OPCML: variants seen among roughly 807,000 people sequenced by gnomAD.
OPCML encodes opioid binding protein/cell adhesion molecule like.
Under a neutral mutation model 37.8 loss-of-function variants are expected in OPCML, and 13 were observed. That is an observed-to-expected ratio of 0.34 (90% CI 0.22 to 0.55). The LOEUF is 0.55. Ranked by LOEUF, OPCML falls within the 20% of genes least tolerant of loss-of-function variation. The pLI is 0.91. For synonymous variants in OPCML, 176 were observed against 168.8 expected, an observed-to-expected ratio of 1.04 and a Z score of -0.33; for missense variants, 341 against 435.6, an observed-to-expected ratio of 0.78 and a Z score of 1.93.
intron 1 of OPCML, among the ~76,000 whole-genome samples, chr11:133,061,474 CT>C (rs992891703): frequency 1.5e-4 from 23 of 152,294 alleles, no homozygotes; most frequent in African/African-American, 5.3e-4. Context: ...AGGAAATATC[CT>C]TGTGGGACTA....
rs181392487 is a variant in OPCML, at chr11:132,629,086, C to T, written c.379+28001G>A. Among the ~76,000 whole-genome samples, 11 of 152,250 alleles carry T rather than the reference C, an allele frequency of 7.2e-5. No homozygotes were observed. The East Asian group carries it at 2.1e-3, about 30-fold the overall frequency. On this transcript the variant is annotated intron_variant, in intron 3 of 7. Coordinates refer to ENST00000524381, the MANE Select transcript of OPCML (RefSeq NM_001012393.5). ...CCAACCCATCCTAAGCCTGCTTGCC[C>T]TGCCCTGCTCTTTCCTTCCCATGGA... is the stretch of plus-strand genomic sequence containing the variant.
chr11:133,418,228 T>C, intron 1 of OPCML: 2 of 985,418 alleles, frequency 2.0e-6, no homozygotes, highest in South Asian at 4.7e-5. Flanking sequence ...GTGATCTGTA[T>C]CTAGTTTTTA....
At chr11:133,002,309 G>A (rs1947019959) in intron 1 of OPCML, among the ~76,000 whole-genome samples, 1 of 152,168 alleles carries the variant, frequency 6.6e-6, no homozygotes, top group African/African-American at 2.4e-5. Context: ...CTGCTGAGGT[G>A]CAAGACTAGA....
At chr11:133,080,059 G>A (rs1948685978) in intron 1 of OPCML, among the ~76,000 whole-genome samples, 1 of 152,102 alleles carries the variant, frequency 6.6e-6, no homozygotes, top group African/African-American at 2.4e-5. Context: ...AATGACCAGA[G>A]AAGAAAACTC....
chr11:132,667,372 C>A (rs1942269248), intron 2 of OPCML, among the ~76,000 whole-genome samples: 1 of 152,184 alleles, frequency 6.6e-6, no homozygotes, highest in Non-Finnish European at 1.5e-5. Context: ...AACAAGCCCA[C>A]ATGCTGAGGA....
chr11:132,444,256 GC>G (rs1236119330), intron 4 of OPCML, among the ~76,000 whole-genome samples: 1 of 152,204 alleles, frequency 6.6e-6, no homozygotes, highest in African/African-American at 2.4e-5. Context: ...CATGGGGGAG[GC>G]AAAGAGTGGA....
intron 2 of OPCML, among the ~76,000 whole-genome samples, chr11:132,722,354 G>A (rs12420562): frequency 0.012 from 1,748 of 151,944 alleles, 12 homozygotes; most frequent in Non-Finnish European, 0.016. Context: ...TGGTGAAGAA[G>A]CTACCTGCAT....
chr11:132,474,103 G>A (rs1207793693), intron 4 of OPCML, among the ~76,000 whole-genome samples: 2 of 152,058 alleles, frequency 1.3e-5, no homozygotes, highest in Admixed American at 6.5e-5. Flanking sequence ...GGGAGGGGAC[G>A]ACTGGCCTAC....
chr11:132,532,245 G>A (rs1245135877), intron 3 of OPCML, among the ~76,000 whole-genome samples: 1 of 152,180 alleles, frequency 6.6e-6, no homozygotes, highest in Admixed American at 6.5e-5. Context: ...AGCCCAGGTA[G>A]TGTTGTCTGC....
At chr11:132,984,874 C>T (rs7106554) in intron 1 of OPCML, among the ~76,000 whole-genome samples, 12,867 of 152,198 alleles carry the variant, frequency 0.085, 897 homozygotes, top group East Asian at 0.23. Context: ...CCTCTGCTTC[C>T]CTGGAGTTAC....
intron 2 of OPCML, among the ~76,000 whole-genome samples, chr11:132,918,960 C>T (rs6590665): frequency 0.22 from 33,894 of 152,044 alleles, 6,425 homozygotes; most frequent in African/African-American, 0.51. Flanking sequence ...CCGAATTAAG[C>T]CTAGGAGCTA....
In OPCML at chr11:132,815,985, T is replaced by C. The variant is rs75202161; in HGVS notation, c.146+126941A>G. On this transcript the variant is annotated intron_variant, in intron 2 of 7. Transcript: ENST00000524381. ...AGCAGCTGGAGGCAGTTCACACTTA[T>C]TGGCCTAATTTTTCTCTACATAAAA... Among the ~76,000 whole-genome samples, 41 of 152,334 alleles carry C rather than the reference T, an allele frequency of 2.7e-4. 1 individual carries two copies. In the East Asian group the frequency reaches 6.8e-3, roughly 25 times the overall value.
intron 1 of OPCML, among the ~76,000 whole-genome samples, chr11:133,050,820 A>G (rs1948116664): frequency 6.6e-6 from 1 of 151,858 alleles, no homozygotes; most frequent in South Asian, 2.1e-4. Flanking sequence ...GCTCTAAATC[A>G]ATCTATTGGG....
intron 1 of OPCML, among the ~76,000 whole-genome samples, chr11:133,135,868 T>C (rs541235018): frequency 6.6e-6 from 1 of 152,354 alleles, no homozygotes; most frequent in South Asian, 2.1e-4. Flanking sequence ...GGATAAGTTA[T>C]CTTGGAACCA....
At chr11:132,800,819 G>T (rs1938603426) in intron 2 of OPCML, among the ~76,000 whole-genome samples, 3 of 152,048 alleles carry the variant, frequency 2.0e-5, no homozygotes, top group Admixed American at 2.0e-4. Context: ...ATTTTTAAAA[G>T]TTTCTGATCT....
intron 1 of OPCML, among the ~76,000 whole-genome samples, chr11:133,343,115 C>T (rs981502062): frequency 2.0e-5 from 3 of 152,146 alleles, no homozygotes; most frequent in Non-Finnish European, 4.4e-5. Context: ...AGGCATGAGC[C>T]ACTGTGACAC....
At chr11:132,739,003 A>G (rs1945351388) in intron 2 of OPCML, among the ~76,000 whole-genome samples, 1 of 152,228 alleles carries the variant, frequency 6.6e-6, no homozygotes, top group African/African-American at 2.4e-5. Context: ...CCACCCGCTA[A>G]CCCCAGCACG....
At chr11:132,612,604 G>A (rs1236600418) in intron 3 of OPCML, among the ~76,000 whole-genome samples, 1 of 152,074 alleles carries the variant, frequency 6.6e-6, no homozygotes, top group Admixed American at 6.6e-5. Flanking sequence ...TAAGACAAAT[G>A]CTAGCAAGAA....
intron 1 of OPCML, among the ~76,000 whole-genome samples, chr11:133,482,146 C>A (rs1947385300): frequency 1.3e-5 from 2 of 151,992 alleles, no homozygotes; most frequent in South Asian, 4.2e-4. Flanking sequence ...TTCAGGGAAC[C>A]CTGAAGCTGG....
Sources: allele counts gnomAD v4.1 joint callset (sites outside exome capture counted in the v4.1 genomes callset), GRCh38; gene constraint gnomAD v4.1.1; transcripts MANE v1.5; gene names NCBI Gene and HGNC (gene_info 2026-07-23, HGNC 2026-07-21).